The following SAMHD1 variants were observed in gnomAD, a reference collection of about 807,000 sequenced individuals.
SAMHD1 encodes deoxynucleoside triphosphate triphosphohydrolase SAMHD1.
A neutral mutation model predicts 79.6 loss-of-function variants in SAMHD1; 54 were observed. The ratio of observed to expected loss-of-function variants is 0.68; its 90% confidence interval spans 0.55 to 0.85. SAMHD1 has a LOEUF of 0.85. Ranked by LOEUF, SAMHD1 falls within the 40% of genes least tolerant of loss-of-function variation. The pLI, the probability that SAMHD1 is intolerant of heterozygous loss-of-function variation, is 0.00. For missense variants in SAMHD1, 663 were observed against 782.7 expected, an observed-to-expected ratio of 0.85 and a Z score of 1.82; for synonymous variants, 260 against 264.1, an observed-to-expected ratio of 0.98 and a Z score of 0.15.
chr20:36,893,060 C>T lies in SAMHD1; in HGVS notation c.1753G>A (p.Asp585Asn), dbSNP rs202165710. The change falls in exon 16 of 16, where the codon GAT becomes AAT. Residue 585 changes from aspartate (D) to asparagine (N), a missense_variant. Transcript: ENST00000646673. ...GGTGTTATGAGTGGGGCTATAACAT[C>T]GCCATCCTATTAGGAAGAGAGAGAA... ...DRNFTKPQDG[D>N]VIAPLITPQK... 2.1e-4 allele frequency: 339 copies of T among 1,612,900 alleles called. No homozygotes were observed. The highest frequency in any genetic ancestry group is 2.8e-4 in the Non-Finnish European group (329 of 1,179,952).
rs2148360614 is a variant in SAMHD1 at position 36,905,462 on chromosome 20, A to G, written c.1312T>C (p.Leu438=). The G allele has an allele frequency of 3.1e-6, 5 of 1,613,172 alleles. No individual in the cohort carries two copies. Among genetic ancestry groups the G allele is most frequent in the Middle Eastern group, 1.7e-4 (1 of 6,060 alleles). The part of the protein sequence containing the change: ...LEILYSTDPK[L]KDAREILKQI... ...TTTAAAATCTCTCGTGCGTCTTTCA[A>G]TTTGGGATCAGTAGAGTATAAAATC... Residue 438 remains leucine (L), a synonymous_variant, in exon 12 of 16, where the codon TTG becomes CTG. Coordinates refer to ENST00000646673, the MANE Select transcript of SAMHD1 (RefSeq NM_015474.4).
At chr20:36,904,290 A>C (rs959004242) in intron 12 of SAMHD1, 41 bp from the exon 13 acceptor site, 2 of 1,386,368 alleles carry the variant, frequency 1.4e-6, no homozygotes, top group East Asian at 2.3e-5. Context: ...TCCATTTTTC[A>C]TCAAGTCTTT....
chr20:36,926,313 A>G (rs2063536128), intron 6 of SAMHD1, among the ~76,000 whole-genome samples: 1 of 152,226 alleles, frequency 6.6e-6, no homozygotes. Flanking sequence ...ATGTTGAGTA[A>G]ATAAAGCAAG....
intron 3 of SAMHD1, 192 bp from the exon 4 acceptor site, chr20:36,935,381 A>T (rs1233509513): frequency 1.7e-6 from 1 of 585,910 alleles, no homozygotes; most frequent in Non-Finnish European, 3.0e-6. Flanking sequence ...AGTATATTGG[A>T]TTTGAGTATA....
At position 36,934,157 on chromosome 20, in the gene SAMHD1, A is replaced by G. The variant is rs1232049536; in HGVS notation, c.509+872T>C. On this transcript the variant is annotated intron_variant, in intron 4 of 15. Coordinates refer to ENST00000646673, the MANE Select transcript of SAMHD1 (RefSeq NM_015474.4). ...AACTGACCTGTCTATAGATACTTTC[A>G]TTATTTTTCCAGGAAAGATCTGAGG... is the stretch of plus-strand genomic sequence containing the variant. 2.6e-5 allele frequency among the ~76,000 whole-genome samples: 4 copies of G among 152,180 alleles called. No individual in the cohort carries two copies. The East Asian group carries it at 7.7e-4, about 29-fold the overall frequency.
intron 7 of SAMHD1, among the ~76,000 whole-genome samples, chr20:36,919,014 T>C (rs890557173): frequency 2.0e-5 from 3 of 151,790 alleles, no homozygotes; most frequent in Admixed American, 6.6e-5. Context: ...TGCACGTTTG[T>C]GGTCCCAGCT....
At chr20:36,930,662 T>C in intron 5 of SAMHD1, 98 bp downstream of exon 5, 1 of 843,410 alleles carries the variant, frequency 1.2e-6, no homozygotes, top group Non-Finnish European at 2.1e-6. Context: ...TAAAATACAA[T>C]TTCCATATTC....
chr20:36,927,006 G>C, intron 6 of SAMHD1, 176 bp downstream of exon 6: 1 of 587,836 alleles, frequency 1.7e-6, no homozygotes. Flanking sequence ...CTTCCTTACA[G>C]ACTACTGTGA....
chr20:36,905,650 A>G, intron 11 of SAMHD1, 147 bp from the exon 12 acceptor site: 2 of 761,022 alleles, frequency 2.6e-6, no homozygotes, highest in Non-Finnish European at 2.1e-6. Flanking sequence ...AAATTTTTAA[A>G]AGATTTAAGT....
intron 1 of SAMHD1, among the ~76,000 whole-genome samples, chr20:36,949,769 AAAAAAAAAAAG>A (rs1295291913): frequency 6.6e-6 from 1 of 151,076 alleles, no homozygotes; most frequent in Non-Finnish European, 1.5e-5. Flanking sequence ...AAAAAAAAAA[AAAAAAAAAAAG>A]AATCCAACAG....
intron 4 of SAMHD1, chr20:36,934,695 T>A (rs2146136967): frequency 5.8e-6 from 1 of 171,156 alleles, no homozygotes; most frequent in South Asian, 1.7e-4. Context: ...TTTGCTCTTG[T>A]TGCCTAGGCT....
intron 11 of SAMHD1, among the ~76,000 whole-genome samples, chr20:36,910,560 T>C (rs911183031): frequency 6.6e-6 from 1 of 151,682 alleles, no homozygotes; most frequent in African/African-American, 2.4e-5. Flanking sequence ...TAAAACCCTG[T>C]CTCTACTAAA....
At chr20:36,926,650 T>C (rs2063538178) in intron 6 of SAMHD1, among the ~76,000 whole-genome samples, 1 of 152,206 alleles carries the variant, frequency 6.6e-6, no homozygotes, top group Non-Finnish European at 1.5e-5. Context: ...AATATCCTTT[T>C]TCTATTCCCG....
chr20:36,922,103 T>TA (rs2063509673), intron 6 of SAMHD1, among the ~76,000 whole-genome samples: 1 of 152,056 alleles, frequency 6.6e-6, no homozygotes, highest in Admixed American at 6.6e-5. Flanking sequence ...AGTTGCTCTT[T>TA]AAAAAAATGA....
chr20:36,900,056 C>T (rs1990273121), intron 13 of SAMHD1, among the ~76,000 whole-genome samples: 1 of 148,130 alleles, frequency 6.8e-6, no homozygotes, highest in African/African-American at 2.5e-5. Context: ...ATCGTGCCAC[C>T]GTACTCCAAC....
At chr20:36,930,099 A>T (rs76991922) in intron 5 of SAMHD1, among the ~76,000 whole-genome samples, 27 of 151,878 alleles carry the variant, frequency 1.8e-4, no homozygotes, top group Non-Finnish European at 2.6e-4. Flanking sequence ...AAAAAAAAAA[A>T]AAATAAGCAT....
At chr20:36,895,732 A>G (rs1197618769) in intron 15 of SAMHD1, among the ~76,000 whole-genome samples, 1 of 152,046 alleles carries the variant, frequency 6.6e-6, no homozygotes, top group Non-Finnish European at 1.5e-5. Context: ...ATCTGCAGCT[A>G]GAGTTTTCAG....
intron 2 of SAMHD1, among the ~76,000 whole-genome samples, chr20:36,945,333 T>C (rs2063678608): frequency 6.6e-6 from 1 of 152,184 alleles, no homozygotes; most frequent in African/African-American, 2.4e-5. Context: ...TTAAATGACT[T>C]CTCCCAAATT....
At chr20:36,946,877 A>C in intron 1 of SAMHD1, 73 bp from the exon 2 acceptor site, 1 of 1,207,690 alleles carries the variant, frequency 8.3e-7, no homozygotes, top group Non-Finnish European at 1.2e-6. Flanking sequence ...GGATACACCA[A>C]CATTTACCCA....
Sources: gnomAD v4.1 joint callset for allele counts (sites outside exome capture counted in the v4.1 genomes callset) on GRCh38, gnomAD v4.1.1 for gene constraint, MANE v1.5 for transcripts, NCBI Gene and HGNC (gene_info 2026-07-23, HGNC 2026-07-21) for gene names.